Variants in PCDH15 observed in about 807,000 individuals in gnomAD.
PCDH15 encodes protocadherin related 15.
In PCDH15, 129 loss-of-function variants were observed where a neutral mutation model predicts 178.5. The ratio of observed to expected loss-of-function variants is 0.72; its 90% confidence interval spans 0.63 to 0.84. The LOEUF is 0.84. Ranked by LOEUF, PCDH15 falls within the 40% of genes least tolerant of loss-of-function variation. The probability of loss-of-function intolerance (pLI) is 0.00; values close to 1 mark genes in which losing one functional copy is unlikely to be tolerated. For missense variants in PCDH15, 2,230 were observed against 2,099.9 expected (o/e 1.06, Z -1.21); for synonymous variants, 800 against 732.0 (o/e 1.09, Z -1.50).
At chr10:55,479,363 T>C (rs530086461) in intron 2 of PCDH15, among the ~76,000 whole-genome samples, 100 of 151,648 alleles carry the variant, frequency 6.6e-4, no homozygotes, top group African/African-American at 2.3e-3. Flanking sequence ...ACATGATATA[T>C]TATATCAACA....
intron 3 of PCDH15, among the ~76,000 whole-genome samples, chr10:54,445,295 A>G (rs1452444253): frequency 6.6e-6 from 1 of 151,524 alleles, no homozygotes; most frequent in Non-Finnish European, 1.5e-5. Context: ...ACAGGAAATG[A>G]ATATAAGCAC....
intron 2 of PCDH15, among the ~76,000 whole-genome samples, chr10:55,067,029 G>A (rs1841583999): frequency 6.6e-6 from 1 of 151,898 alleles, no homozygotes; most frequent in Non-Finnish European, 1.5e-5. Context: ...CCATAAATAT[G>A]TAAACTATTA....
chr10:55,575,447 C>T (rs1842478667), intron 2 of PCDH15, among the ~76,000 whole-genome samples: 1 of 151,962 alleles, frequency 6.6e-6, no homozygotes. Flanking sequence ...GAGGTGGGGA[C>T]AATAGACTTG....
At chr10:53,981,968 T>C (rs1002439897) in intron 21 of PCDH15, among the ~76,000 whole-genome samples, 1 of 151,342 alleles carries the variant, frequency 6.6e-6, no homozygotes, top group Non-Finnish European at 1.5e-5. Flanking sequence ...CAAACAAATT[T>C]ACAAGAAAAA....
At chr10:54,358,910 A>G (rs1945513686) in intron 5 of PCDH15, among the ~76,000 whole-genome samples, 3 of 151,266 alleles carry the variant, frequency 2.0e-5, no homozygotes, top group South Asian at 4.2e-4. Context: ...CTATTGCAAG[A>G]ACAAAAAACC....
In PCDH15 at chr10:54,079,418, C is replaced by T. The variant is rs759092602; in HGVS notation, c.2004G>A (p.Gly668=). ...CCAGTGCTTTCCCTAAGGTTAGAAT[C>T]CCCGTGCTAGTGACAAAACAAACAA... ...QRVFNLSETT[G]ILTLGKALDR... Residue 668 remains glycine (G), a synonymous_variant, in exon 17 of 38, where the codon GGG becomes GGA. Coordinates refer to ENST00000644397, the MANE Select transcript of PCDH15 (RefSeq NM_001384140.1). 1 of 1,613,878 alleles carries T rather than the reference C, an allele frequency of 6.2e-7. No homozygotes were observed. Among genetic ancestry groups the T allele is most frequent in the Admixed American group, 1.7e-5 (1 of 60,008 alleles).
intron 2 of PCDH15, among the ~76,000 whole-genome samples, chr10:55,121,748 T>C (rs10825468): frequency 0.93 from 141,155 of 152,020 alleles, 66,350 homozygotes; most frequent in East Asian, 1. Flanking sequence ...TCCTTTTGTC[T>C]TTCTGTCTTT....
intron 2 of PCDH15, among the ~76,000 whole-genome samples, chr10:55,057,110 C>T (rs372489536): frequency 6.6e-6 from 1 of 152,164 alleles, no homozygotes; most frequent in East Asian, 1.9e-4. Context: ...TTTATATTGT[C>T]GGCTACCCTG....
At chr10:54,783,092 C>A (rs1380813322) in intron 1 of PCDH15, among the ~76,000 whole-genome samples, 1 of 152,000 alleles carries the variant, frequency 6.6e-6, no homozygotes, top group Admixed American at 6.6e-5. Flanking sequence ...AAACGTGACA[C>A]TTTCAAAGGA....
intron 8 of PCDH15, among the ~76,000 whole-genome samples, chr10:54,296,144 C>CAAAAAAAAAAAAAAAAAAAAA (rs59721161): frequency 6.2e-5 from 3 of 48,222 alleles, no homozygotes; most frequent in African/African-American, 8.0e-5. Flanking sequence ...GACTCCGTCT[C>CAAAAAAAAAAAAAAAAAAAAA]AAAAAAAAAA....
At chr10:55,602,839 C>T (rs1170330185) in intron 2 of PCDH15, among the ~76,000 whole-genome samples, 1 of 152,164 alleles carries the variant, frequency 6.6e-6, no homozygotes, top group Non-Finnish European at 1.5e-5. Context: ...GCCTCTCCAC[C>T]TCCAAAGGAA....
chr10:55,598,547 T>TAGATAGATAGATAG (rs1564473898), intron 2 of PCDH15, among the ~76,000 whole-genome samples: 5 of 50,204 alleles, frequency 1.0e-4, no homozygotes, highest in African/African-American at 4.5e-4. Context: ...TATATATATA[T>TAGATAGATAGATAG]ATATATATAT....
chr10:54,113,659 C>CAT (rs1554795256), intron 15 of PCDH15, among the ~76,000 whole-genome samples: 1,668 of 152,050 alleles, frequency 0.011, 32 homozygotes, highest in African/African-American at 0.038. Flanking sequence ...CACACACACA[C>CAT]GCACATCTTA....
intron 2 of PCDH15, among the ~76,000 whole-genome samples, chr10:55,156,924 T>C (rs1591950104): frequency 6.6e-6 from 1 of 152,132 alleles, no homozygotes; most frequent in South Asian, 2.1e-4. Flanking sequence ...AATGAAGTCA[T>C]GACCAATGAA....
In PCDH15 at chr10:55,310,395, T is replaced by C. The variant is rs187440676; in HGVS notation, c.-156+9204A>G. On this transcript the variant is annotated intron_variant, in intron 1 of 5. Coordinates refer to the PCDH15 transcript ENST00000458638. ...TGGAAGTAAATGAATTTGATCACTT[T>C]GAGAAAATAAAACTGTTATTACCTT... is the stretch of plus-strand genomic sequence containing the variant. Among the ~76,000 whole-genome samples, 14 of 152,296 alleles carry C rather than the reference T, an allele frequency of 9.2e-5. No homozygotes were observed. The East Asian group carries it at 2.3e-3, about 25-fold the overall frequency.
chr10:54,161,411 GACT>G (rs2045700249), intron 13 of PCDH15, among the ~76,000 whole-genome samples: 2 of 152,112 alleles, frequency 1.3e-5, no homozygotes, highest in Admixed American at 6.6e-5. Context: ...AGTGAGCATT[GACT>G]ACAAGTGGTC....
intron 2 of PCDH15, among the ~76,000 whole-genome samples, chr10:55,003,470 A>T (rs1839844155): frequency 1.3e-5 from 2 of 151,918 alleles, no homozygotes; most frequent in Admixed American, 1.3e-4. Context: ...AGTCTAGAGA[A>T]TTTTTTTCTT....
At chr10:54,412,316 C>A (rs960333043) in intron 3 of PCDH15, among the ~76,000 whole-genome samples, 1 of 151,302 alleles carries the variant, frequency 6.6e-6, no homozygotes, top group African/African-American at 2.4e-5. Context: ...AAAGGAACTT[C>A]CACCTTTGTA....
intron 2 of PCDH15, among the ~76,000 whole-genome samples, chr10:55,373,400 T>G (rs1833642503): frequency 6.6e-6 from 1 of 152,122 alleles, no homozygotes; most frequent in Non-Finnish European, 1.5e-5. Flanking sequence ...CAGATGATAA[T>G]TCCTTCTATA....
Sources: gnomAD v4.1 joint callset for allele counts (sites outside exome capture counted in the v4.1 genomes callset) on GRCh38, gnomAD v4.1.1 for gene constraint, MANE v1.5 for transcripts, NCBI Gene and HGNC (gene_info 2026-07-23, HGNC 2026-07-21) for gene names.